Variants in PABPN1 observed in about 807,000 individuals in gnomAD.
The protein encoded by PABPN1 is poly(A) binding protein nuclear 1.
Under a neutral mutation model 33.4 loss-of-function variants are expected in PABPN1, and 5 were observed. The observed-to-expected ratio is 0.15, with a 90% confidence interval of 0.08 to 0.32. The LOEUF is 0.32. Among genes scored for constraint, PABPN1 ranks in the 10% least tolerant of loss-of-function variants. PABPN1 has a pLI of 1.00. For synonymous variants in PABPN1, 176 were observed against 170.6 expected, an observed-to-expected ratio of 1.03 and a Z score of -0.25; for missense variants, 312 against 425.8, an observed-to-expected ratio of 0.73 and a Z score of 2.35.
At chr14:23,324,110 G>A (rs1888543113) in intron 5 of PABPN1, 28 bp from the exon 6 acceptor site, 1 of 1,614,158 alleles carries the variant, frequency 6.2e-7, no homozygotes, top group Non-Finnish European at 8.5e-7. Context: ...TTGCCTTTAA[G>A]GCTATCATTT....
In PABPN1 at chr14:23,325,634, GT is replaced by G. The variant is rs35455483; in HGVS notation, c.*359del. On this transcript the variant is annotated 3_prime_UTR_variant, in exon 7 of 7. Coordinates refer to ENST00000216727, the MANE Select transcript of PABPN1 (RefSeq NM_004643.4). The stretch of plus-strand genomic sequence containing the variant: ...GGTAGGTGGGCGTGGGTGGTAGGAG[GT>G]TTTTTTTTTTACCCAGGGCTCTGGA... 139,993 of 208,614 alleles carry G rather than the reference GT, an allele frequency of 0.67. 46,845 individuals are homozygous for G. Among genetic ancestry groups the G allele is most frequent in the African/African-American group, 0.83 (35,013 of 42,204 alleles). The allele number at this position is 208,614 out of a possible 1,614,324, so 12.9% of individuals were successfully genotyped here. A position where few individuals can be genotyped will look rare whatever the true frequency, so the allele number is the denominator to read the frequency against.
chr14:23,325,160 G>A, intron 6 of PABPN1, 87 bp from the exon 7 acceptor site: 1 of 1,570,134 alleles, frequency 6.4e-7, no homozygotes, highest in Non-Finnish European at 8.7e-7. Context: ...TCCCTTCACA[G>A]TAACTGGGGC....
In PABPN1 at chr14:23,322,991, C is replaced by G. The variant is rs761290152; in HGVS notation, c.467-8C>G. 15 of 1,614,078 alleles carry G rather than the reference C, an allele frequency of 9.3e-6. No homozygotes were observed. Among genetic ancestry groups the G allele is most frequent in the Non-Finnish European group, 1.3e-5 (15 of 1,180,010 alleles). The stretch of plus-strand genomic sequence containing the variant: ...TGGTTTTTGTAAAAAATTATTTTTT[C>G]CTGATAGCTGGCCCGGTGATCATGT... On this transcript the variant is annotated splice_region_variant and splice_polypyrimidine_tract_variant and intron_variant, in intron 2 of 6. Transcript: ENST00000216727.
In PABPN1 at chr14:23,325,466, G is replaced by A; in HGVS notation, c.*180G>A. ...ATAACTAACTGCTGAGGAGGGACCT[G>A]CTTTGGGGAGTAGGGGAAGGCCCAG... On this transcript the variant is annotated 3_prime_UTR_variant, in exon 7 of 7. Coordinates refer to ENST00000216727, the MANE Select transcript of PABPN1 (RefSeq NM_004643.4). The A allele has an allele frequency of 5.0e-6, 4 of 796,902 alleles. No individual in the cohort carries two copies. The highest frequency in any genetic ancestry group is 7.6e-6 in the Non-Finnish European group (4 of 523,920). 49.4% of individuals were successfully genotyped at this position (796,902 alleles called of 1,614,324 possible).
At chr14:23,323,767 A>G (rs966194591) in intron 4 of PABPN1, among the ~76,000 whole-genome samples, 198 bp from the exon 5 acceptor site, 1 of 152,224 alleles carries the variant, frequency 6.6e-6, no homozygotes, top group Non-Finnish European at 1.5e-5. Context: ...TGTGTGTCTT[A>G]TTTTTACAAA....
chr14:23,325,362 A>C lies in PABPN1; in HGVS notation c.*76A>C. On this transcript the variant is annotated 3_prime_UTR_variant, in exon 7 of 7. Coordinates refer to ENST00000216727, the MANE Select transcript of PABPN1 (RefSeq NM_004643.4). ...AAAAAAAAGAATTAAAAAAAAAAAAAAGAAAAACAGAAGATGACCTTGATG... is the reference window on the plus strand; with the variant it reads ...AAAAAAAAGAATTAAAAAAAAAAAACAGAAAAACAGAAGATGACCTTGATG... The C allele has an allele frequency of 1.3e-6, 2 of 1,499,398 alleles. No homozygotes were observed. Among genetic ancestry groups the C allele is most frequent in the Non-Finnish European group, 1.8e-6 (2 of 1,116,928 alleles). The allele number at this position is 1,499,398 out of a possible 1,614,324, so 92.9% of individuals were successfully genotyped here.
At chr14:23,322,361 G>A in intron 2 of PABPN1, 66 bp downstream of exon 2, 1 of 1,411,728 alleles carries the variant, frequency 7.1e-7, no homozygotes, top group Non-Finnish European at 9.8e-7. Flanking sequence ...GGGAGGATGG[G>A]GAATGTGGGG....
chr14:23,322,157 C>T (rs1220986857), intron 1 of PABPN1, 24 bp from the exon 2 acceptor site: 6 of 1,586,624 alleles, frequency 3.8e-6, no homozygotes, highest in Admixed American at 1.8e-5. Context: ...AAGCTGTCCT[C>T]CATACCCTCC....
chr14:23,323,721 A>G (rs1317303017), intron 4 of PABPN1, among the ~76,000 whole-genome samples: 1 of 152,202 alleles, frequency 6.6e-6, no homozygotes, highest in Non-Finnish European at 1.5e-5. Context: ...GGCAGCTTCT[A>G]CTTGGCCTAT....
chr14:23,325,494 A>G lies in PABPN1; in HGVS notation c.*208A>G. 1 of 644,266 alleles carries G rather than the reference A, an allele frequency of 1.6e-6. No individual in the cohort carries two copies. The highest frequency in any genetic ancestry group is 2.6e-6 in the Non-Finnish European group (1 of 388,224). The allele number at this position is 644,266 out of a possible 1,614,324, so 39.9% of individuals were successfully genotyped here. On this transcript the variant is annotated 3_prime_UTR_variant, in exon 7 of 7. Transcript: ENST00000216727. ...TTGGGGAGTAGGGGAAGGCCCAGGG[A>G]GTGGGGCAGGGGGCTGCTTATTCAC...
Position 23,321,721 on chromosome 14 carries a change from G to A in PABPN1, c.252G>A (p.Pro84=), listed in dbSNP as rs1195760107. 13 of 1,541,812 alleles carry A rather than the reference G, an allele frequency of 8.4e-6. No individual in the cohort carries two copies. The highest frequency in any genetic ancestry group is 1.1e-5 in the Non-Finnish European group (13 of 1,143,796). ...GGCCCCGCGCCCCCCCGGGAGCTCC[G>A]GGCCCTGGGCCTGGTTCGGGAGCCC... is the stretch of plus-strand genomic sequence containing the variant. ...PPRPRAPPGA[P]GPGPGSGAPG... is the part of the protein sequence containing the mutation. The change falls in exon 1 of 7, where the codon CCG becomes CCA. Residue 84 remains proline, a synonymous_variant. Coordinates refer to ENST00000216727, the MANE Select transcript of PABPN1 (RefSeq NM_004643.4).
chr14:23,323,974 T>C lies in PABPN1; in HGVS notation c.651T>C (p.Tyr217=). 1.2e-6 allele frequency: 2 copies of C among 1,614,166 alleles called. No homozygotes were observed. The highest frequency in any genetic ancestry group is 1.3e-5 in the African/African-American group (1 of 75,056). ...TGACAATTCTTTTCAGGTTTGCGTA[T>C]ATAGAGTTCTCAGACAAAGAGTCAG... ...KFSGHPKGFA[Y]IEFSDKESVR... Residue 217 remains tyrosine, a synonymous_variant, in exon 5 of 7, where the codon TAT becomes TAC. Transcript: ENST00000216727.
In PABPN1 at chr14:23,321,580, G is replaced by T; in HGVS notation, c.111G>T (p.Glu37Asp). ...CCGGGGCCGGTGGGGAGGCCGGGGA[G>T]GGGGCCCCGGGGGGCGCAGGGGACT... ...LVPGAGGEAGEGAPGGAGDYG... is the reference protein window; with the variant it reads ...LVPGAGGEAGDGAPGGAGDYG... The change falls in exon 1 of 7, where the codon GAG (glutamate) becomes GAT (aspartate). Residue 37 changes from glutamate to aspartate, a missense_variant. By Grantham distance (45) the Glu-to-Asp change is conservative. Transcript: ENST00000216727. The T allele has an allele frequency of 7.0e-7, 1 of 1,437,668 alleles. No individual in the cohort carries two copies. Among genetic ancestry groups the T allele is most frequent in the South Asian group, 1.4e-5 (1 of 71,146 alleles). 89.1% of individuals were successfully genotyped at this position (1,437,668 alleles called of 1,614,324 possible).
At chr14:23,324,455 A>G in intron 6 of PABPN1, 166 bp downstream of exon 6, 2 of 855,084 alleles carry the variant, frequency 2.3e-6, no homozygotes, top group Non-Finnish European at 3.8e-6. Context: ...GCCAGGCCAG[A>G]AGGCCAGCCT....
intron 1 of PABPN1, 125 bp from the exon 2 acceptor site, chr14:23,322,056 G>T (rs1472289738): frequency 1.9e-6 from 2 of 1,040,656 alleles, no homozygotes; most frequent in Non-Finnish European, 1.5e-6. Context: ...CTTTTATCAC[G>T]ACCCTCGCAT....
At position 23,325,393 on chromosome 14, in the gene PABPN1, AAAAT is replaced by A. The variant is rs1888675729; in HGVS notation, c.*109_*112del. 7.3e-7 allele frequency: 1 copy of A among 1,379,246 alleles called. No homozygotes were observed. The highest frequency in any genetic ancestry group is 9.8e-7 in the Non-Finnish European group (1 of 1,022,178). 85.4% of individuals were successfully genotyped at this position (1,379,246 alleles called of 1,614,324 possible). A position where few individuals can be genotyped will look rare whatever the true frequency, so the allele number is the denominator to read the frequency against. On this transcript the variant is annotated 3_prime_UTR_variant, in exon 7 of 7. Coordinates refer to ENST00000216727, the MANE Select transcript of PABPN1 (RefSeq NM_004643.4). The stretch of plus-strand genomic sequence containing the variant: ...AACAGAAGATGACCTTGATGGAAAA[AAAAT>A]ATTTTTTAAAAAAAAGATATACTGT...
rs748682773 is a variant in PABPN1 at position 23,323,030 on chromosome 14, G to A, written c.498G>A (p.Lys166=). The A allele has an allele frequency of 2.5e-6, 4 of 1,614,182 alleles. No homozygotes were observed. Among genetic ancestry groups the A allele is most frequent in the Non-Finnish European group, 3.4e-6 (4 of 1,180,034 alleles). ...CGGTGATCATGTCCATTGAGGAGAAGATGGAGGCTGATGCCCGTTCCATCT... is the reference window on the plus strand; with the variant it reads ...CGGTGATCATGTCCATTGAGGAGAAAATGGAGGCTGATGCCCGTTCCATCT... ...AGPVIMSIEE[K]MEADARSIYV... The change falls in exon 3 of 7, where the codon AAG becomes AAA. Residue 166 remains lysine (K), a synonymous_variant. Transcript: ENST00000216727.
chr14:23,321,710 C>G lies in PABPN1; in HGVS notation c.241C>G (p.Pro81Ala), dbSNP rs1207809520. The G allele has an allele frequency of 3.9e-6, 6 of 1,540,832 alleles. No individual in the cohort carries two copies. The highest frequency in any genetic ancestry group is 2.8e-5 in the African/African-American group (2 of 72,090). Residue 81 changes from proline (P) to alanine (A), a missense_variant, in exon 1 of 7, where the codon CCG becomes GCG. Physicochemically the swap from Pro to Ala is conservative, Grantham distance 27 (BLOSUM62 -1). Around this residue, in one of 3 missense-constraint regions of PABPN1, gnomAD observed 167 missense variants for 168.9 expected, o/e 0.99. Coordinates refer to ENST00000216727, the MANE Select transcript of PABPN1 (RefSeq NM_004643.4). ...GGAGCCGCCCCGGCCCCGCGCCCCC[C>G]CGGGAGCTCCGGGCCCTGGGCCTGG... ...EEEPPRPRAP[P>A]GAPGPGPGSG... is the part of the protein sequence containing the mutation.
intron 6 of PABPN1, chr14:23,325,017 G>A (rs1441034834): frequency 6.3e-6 from 3 of 478,926 alleles, no homozygotes; most frequent in Non-Finnish European, 7.2e-6. Flanking sequence ...TCACTCAGAT[G>A]CGCTTCTTTT....
Sources: allele counts gnomAD v4.1 joint callset (sites outside exome capture counted in the v4.1 genomes callset), GRCh38; gene constraint gnomAD v4.1.1; regional missense constraint gnomAD v4.1.1; transcripts MANE v1.5; gene names NCBI Gene and HGNC (gene_info 2026-07-23, HGNC 2026-07-21).